CCDC85C: variants seen among roughly 807,000 people sequenced by gnomAD.
CCDC85C encodes coiled-coil domain containing 85C.
A neutral mutation model predicts 38.3 loss-of-function variants in CCDC85C; 18 were observed. That is an observed-to-expected ratio of 0.47 (90% CI 0.33 to 0.70). The LOEUF (loss-of-function observed/expected upper bound fraction) is 0.70. Among genes scored for constraint, CCDC85C ranks in the 30% least tolerant of loss-of-function variants. CCDC85C has a pLI of 0.03. For synonymous variants in CCDC85C, 264 were observed against 293.8 expected, an observed-to-expected ratio of 0.90 and a Z score of 1.04; for missense variants, 566 against 621.2, an observed-to-expected ratio of 0.91 and a Z score of 0.94.
intron 1 of CCDC85C, among the ~76,000 whole-genome samples, chr14:99,599,621 G>A (rs954232120): frequency 3.3e-5 from 5 of 152,150 alleles, no homozygotes; most frequent in Admixed American, 1.3e-4. Context: ...CAGGTGCAGT[G>A]GCTCACGTCT....
chr14:99,527,679 C>T (rs1897412967), intron 2 of CCDC85C, among the ~76,000 whole-genome samples: 1 of 152,218 alleles, frequency 6.6e-6, no homozygotes, highest in Non-Finnish European at 1.5e-5. Context: ...CCACGCAGAA[C>T]CCTCAGCCCA....
In CCDC85C at chr14:99,572,929, C is replaced by G. The variant is rs563225442; in HGVS notation, c.793+30238G>C. 7.1e-5 allele frequency: 30 copies of G among 423,470 alleles called. No homozygotes were observed. In the East Asian group the frequency reaches 2.1e-3, roughly 30 times the overall value. The allele number at this position is 423,470 out of a possible 1,614,324, so 26.2% of individuals were successfully genotyped here. A position where few individuals can be genotyped will look rare whatever the true frequency, so the allele number is the denominator to read the frequency against. On this transcript the variant is annotated intron_variant, in intron 1 of 5. Coordinates refer to ENST00000380243, the MANE Select transcript of CCDC85C (RefSeq NM_001144995.2). This position sits in a 1 kb window ranked among gnomAD's most constrained non-coding sequence, Gnocchi z 4.4. ...GCACGGACCTGAGGCAGCGCCTTCT[C>G]TTAGCTCTGAGCCCTGCCTTCGCCT...
Position 99,603,134 on chromosome 14 carries a change from A to G in CCDC85C, c.793+33T>C. ...CCTGGGAAAAGGGCTGCAGCCAGGG[A>G]GACCCGCGCTGCCCGGCCCGTGTAG... is the stretch of plus-strand genomic sequence containing the variant. On this transcript the variant is annotated intron_variant, in intron 1 of 5. Transcript: ENST00000380243. This position sits in a 1 kb window ranked among gnomAD's most constrained non-coding sequence, Gnocchi z 7.5. 3 of 1,297,156 alleles carry G rather than the reference A, an allele frequency of 2.3e-6. No homozygotes were observed. The highest frequency in any genetic ancestry group is 2.9e-6 in the Non-Finnish European group (3 of 1,022,272). The allele number at this position is 1,297,156 out of a possible 1,614,324, so 80.4% of individuals were successfully genotyped here. A position where few individuals can be genotyped will look rare whatever the true frequency, so the allele number is the denominator to read the frequency against.
At chr14:99,591,638 G>A (rs570613562) in intron 1 of CCDC85C, among the ~76,000 whole-genome samples, 2 of 152,304 alleles carry the variant, frequency 1.3e-5, no homozygotes, top group South Asian at 4.1e-4. Flanking sequence ...CAACTCCAGG[G>A]CCAGGGTGGT....
In CCDC85C at chr14:99,569,464, T is replaced by TG. The variant is rs141844893; in HGVS notation, c.794-33377dup. On this transcript the variant is annotated intron_variant, in intron 1 of 5. Transcript: ENST00000380243. This position sits in a 1 kb window ranked among gnomAD's most constrained non-coding sequence, Gnocchi z 4.3. The stretch of plus-strand genomic sequence containing the variant: ...CCCCACAGAGGCACCCACCACTGCC[T>TG]GGGGATCTAAGCAGTTACGGCTGCC... 6.6e-6 allele frequency among the ~76,000 whole-genome samples: 1 copy of TG among 152,216 alleles called. No individual in the cohort carries two copies. The highest frequency in any genetic ancestry group is 1.5e-5 in the Non-Finnish European group (1 of 67,998).
chr14:99,568,246 C>CTTTTTTTTTTTTTTTTTTTTT (rs776784723), intron 1 of CCDC85C, among the ~76,000 whole-genome samples: 5 of 114,488 alleles, frequency 4.4e-5, no homozygotes, highest in Non-Finnish European at 5.1e-5. Flanking sequence ...GCCACCTGCC[C>CTTTTTTTTTTTTTTTTTTTTT]TTTATTTTTT....
intron 1 of CCDC85C, among the ~76,000 whole-genome samples, chr14:99,551,369 GT>G (rs1897903274): frequency 6.6e-6 from 1 of 152,204 alleles, no homozygotes; most frequent in Non-Finnish European, 1.5e-5. Flanking sequence ...GAGCAGGTAG[GT>G]GTGCAGGTGA....
At chr14:99,581,984 G>A (rs571479021) in intron 1 of CCDC85C, among the ~76,000 whole-genome samples, 5 of 152,262 alleles carry the variant, frequency 3.3e-5, no homozygotes, top group Middle Eastern at 3.4e-3. Context: ...AGCATGCCCC[G>A]TTTCCCCAGG....
rs761033609 is a variant in CCDC85C, at chr14:99,572,827, C to T, written c.793+30340G>A. On this transcript the variant is annotated intron_variant, in intron 1 of 5. Transcript: ENST00000380243. The surrounding 1 kb of genome is among the most constrained non-coding windows in gnomAD (Gnocchi z 4.4). ...TGGAAGTATCCCAGGAGCATGGAAA[C>T]GGGGCCTGGTGTGCAACAGGTGCTC... The T allele has an allele frequency of 3.1e-5, 14 of 455,984 alleles. No homozygotes were observed. The highest frequency in any genetic ancestry group is 9.3e-5 in the South Asian group (6 of 64,564). 28.2% of individuals were successfully genotyped at this position (455,984 alleles called of 1,614,324 possible). A position where few individuals can be genotyped will look rare whatever the true frequency, so the allele number is the denominator to read the frequency against.
At chr14:99,523,484 G>A (rs1278841570) in intron 2 of CCDC85C, among the ~76,000 whole-genome samples, 2 of 152,200 alleles carry the variant, frequency 1.3e-5, no homozygotes, top group Non-Finnish European at 2.9e-5. Flanking sequence ...CGTGTCCTGC[G>A]GGGGTGAGGA....
At chr14:99,584,587 C>T (rs1191508722) in intron 1 of CCDC85C, among the ~76,000 whole-genome samples, 1 of 152,182 alleles carries the variant, frequency 6.6e-6, no homozygotes, top group African/African-American at 2.4e-5. Flanking sequence ...TCCCTGAGCT[C>T]CTCTCAGGGG....
In CCDC85C at chr14:99,544,423, G is replaced by A. The variant is rs367623557; in HGVS notation, c.794-8335C>T. 6.6e-6 allele frequency among the ~76,000 whole-genome samples: 1 copy of A among 152,132 alleles called. No individual in the cohort carries two copies. The highest frequency in any genetic ancestry group is 1.9e-4 in the East Asian group (1 of 5,194). ...CACCTACTCCCCCAACAAAGAGACC[G>A]AGGTTCCGAGGGGCTCCATAACCAC... On this transcript the variant is annotated intron_variant, in intron 1 of 5. Transcript: ENST00000380243. This position sits in a 1 kb window ranked among gnomAD's most constrained non-coding sequence, Gnocchi z 5.3.
rs1896991331 is a variant in CCDC85C at position 99,507,001 on chromosome 14, G to C, written c.*8245C>G. 7.7e-6 allele frequency: 7 copies of C among 904,432 alleles called. No individual in the cohort carries two copies. The highest frequency in any genetic ancestry group is 1.1e-5 in the Non-Finnish European group (6 of 532,604). 56.0% of individuals were successfully genotyped at this position (904,432 alleles called of 1,614,324 possible). A position where few individuals can be genotyped will look rare whatever the true frequency, so the allele number is the denominator to read the frequency against. ...TTTTCTCCCAAAGAAATCTCTGCCA[G>C]TACATTTTTCTTTATGACATGCTTA... On this transcript the variant is annotated 3_prime_UTR_variant, in exon 6 of 6. Coordinates refer to ENST00000380243, the MANE Select transcript of CCDC85C (RefSeq NM_001144995.2).
rs1896916749 is a variant in CCDC85C at position 99,504,274 on chromosome 14, C to T, written c.*10972G>A. 1 of 154,440 alleles carries T rather than the reference C, an allele frequency of 6.5e-6. No individual in the cohort carries two copies. The highest frequency in any genetic ancestry group is 2.4e-5 in the African/African-American group (1 of 41,460). The allele number at this position is 154,440 out of a possible 1,614,324, so 9.6% of individuals were successfully genotyped here. A position where few individuals can be genotyped will look rare whatever the true frequency, so the allele number is the denominator to read the frequency against. Reference sequence around the variant, plus strand: ...TCTTTGAAGGCACAGACCCTATTGACTCATTTGTCTTTCTTTGTTACTTGG... The same window carrying T: ...TCTTTGAAGGCACAGACCCTATTGATTCATTTGTCTTTCTTTGTTACTTGG... On this transcript the variant is annotated 3_prime_UTR_variant, in exon 6 of 6. Transcript: ENST00000380243.
chr14:99,556,415 T>C (rs1467362553), intron 1 of CCDC85C, among the ~76,000 whole-genome samples: 1 of 152,216 alleles, frequency 6.6e-6, no homozygotes, highest in Non-Finnish European at 1.5e-5. Flanking sequence ...CCCTGTCTCT[T>C]AAAAAAGAAA....
intron 1 of CCDC85C, among the ~76,000 whole-genome samples, chr14:99,552,809 C>G (rs113728108): frequency 9.8e-5 from 15 of 152,378 alleles, no homozygotes; most frequent in African/African-American, 3.6e-4. Flanking sequence ...CACGAGCTTC[C>G]GGGGCTCAAG....
chr14:99,589,421 C>A (rs2139985275), intron 1 of CCDC85C, among the ~76,000 whole-genome samples: 1 of 152,062 alleles, frequency 6.6e-6, no homozygotes, highest in South Asian at 2.1e-4. Context: ...AGCTTCCCGA[C>A]CACGAACGTG....
At chr14:99,595,593 G>A (rs1422913138) in intron 1 of CCDC85C, among the ~76,000 whole-genome samples, 1 of 151,996 alleles carries the variant, frequency 6.6e-6, no homozygotes, top group Non-Finnish European at 1.5e-5. Context: ...TTCCCAATTC[G>A]GCCACCCCTC....
At chr14:99,546,912 T>C (rs979913292) in intron 1 of CCDC85C, among the ~76,000 whole-genome samples, 1 of 152,208 alleles carries the variant, frequency 6.6e-6, no homozygotes, top group Non-Finnish European at 1.5e-5. Context: ...CTCATGCCTG[T>C]AATCCCAGCA....
Sources: allele counts gnomAD v4.1 joint callset (sites outside exome capture counted in the v4.1 genomes callset), GRCh38; gene constraint gnomAD v4.1.1; non-coding constraint Gnocchi (gnomAD v3.1); transcripts MANE v1.5; gene names NCBI Gene and HGNC (gene_info 2026-07-23, HGNC 2026-07-21).